The following PCDHGA5 variants were observed in gnomAD, a reference collection of about 807,000 sequenced individuals.
PCDHGA5 encodes the protein protocadherin gamma subfamily A, 5.
Under a neutral mutation model 56.7 loss-of-function variants are expected in PCDHGA5, and 36 were observed. The ratio of observed to expected loss-of-function variants is 0.64; its 90% confidence interval spans 0.49 to 0.84. PCDHGA5 has a LOEUF of 0.84. Ranked by LOEUF, PCDHGA5 falls within the 40% of genes least tolerant of loss-of-function variation. PCDHGA5 has a pLI of 0.00. For synonymous variants in PCDHGA5, 563 were observed against 520.2 expected (o/e 1.08, Z -1.12); for missense variants, 1,305 against 1,201.5 (o/e 1.09, Z -1.27).
intron 1 of PCDHGA5, chr5:141,415,605 G>T: frequency 1.2e-6 from 2 of 1,613,122 alleles, no homozygotes; most frequent in Non-Finnish European, 1.7e-6. Flanking sequence ...ATACCCCATT[G>T]GTTCCAGTGA....
At chr5:141,402,910 G>A in intron 1 of PCDHGA5, 2 of 1,549,722 alleles carry the variant, frequency 1.3e-6, no homozygotes, top group Non-Finnish European at 1.7e-6. Context: ...ATGAAGCAGC[G>A]CGCACAGAGA....
At chr5:141,394,455 C>T in intron 1 of PCDHGA5, 1 of 1,614,268 alleles carries the variant, frequency 6.2e-7, no homozygotes, top group Non-Finnish European at 8.5e-7. Flanking sequence ...CAACATGTCA[C>T]TGAGCCTGTT....
intron 1 of PCDHGA5, among the ~76,000 whole-genome samples, chr5:141,429,780 A>G (rs1301908729): frequency 1.3e-5 from 2 of 152,222 alleles, no homozygotes; most frequent in Non-Finnish European, 2.9e-5. Flanking sequence ...ATGGGCTTCC[A>G]AAAGTATTAC....
intron 1 of PCDHGA5, chr5:141,417,885 G>T (rs761442517): frequency 3.8e-6 from 6 of 1,562,926 alleles, no homozygotes; most frequent in South Asian, 1.2e-5. Context: ...GCGCAGAGGC[G>T]CCGGGCCGGC....
At chr5:141,394,968 T>C in intron 1 of PCDHGA5, 1 of 1,613,938 alleles carries the variant, frequency 6.2e-7, no homozygotes, top group Non-Finnish European at 8.5e-7. Context: ...GCTGAGGCGC[T>C]GGCACAAGTC....
rs752155536 is a variant in PCDHGA5, at chr5:141,477,181, C to T, written c.2422-17626C>T. The T allele has an allele frequency of 2.5e-6, 4 of 1,614,182 alleles. No individual in the cohort carries two copies. In the Admixed American group the frequency reaches 6.7e-5, roughly 27 times the overall value. ...ACAACGCCCCGGAGATCACAGTCACCTCCGTGTACAGCCCAGTACCCGAGG... is the reference window on the plus strand; with the variant it reads ...ACAACGCCCCGGAGATCACAGTCACTTCCGTGTACAGCCCAGTACCCGAGG... On this transcript the variant is annotated intron_variant, in intron 1 of 3. Transcript: ENST00000518069. This position sits in a 1 kb window ranked among gnomAD's most constrained non-coding sequence, Gnocchi z 4.9.
intron 1 of PCDHGA5, among the ~76,000 whole-genome samples, chr5:141,470,181 A>G (rs974401154): frequency 3.9e-5 from 6 of 152,236 alleles, no homozygotes; most frequent in African/African-American, 9.6e-5. Flanking sequence ...AAAATATTCA[A>G]GTAAACTTCA....
intron 1 of PCDHGA5, chr5:141,418,422 G>A: frequency 6.2e-7 from 1 of 1,613,996 alleles, no homozygotes; most frequent in East Asian, 2.2e-5. Context: ...AATCCTGATG[G>A]TGGCAAATAT....
intron 1 of PCDHGA5, chr5:141,422,466 G>T: frequency 1.2e-6 from 2 of 1,613,528 alleles, no homozygotes; most frequent in Non-Finnish European, 1.7e-6. Flanking sequence ...TGCTGGACAG[G>T]GAGTTGGTCC....
At chr5:141,408,929 A>G in intron 1 of PCDHGA5, 1 of 1,613,518 alleles carries the variant, frequency 6.2e-7, no homozygotes, top group Non-Finnish European at 8.5e-7. Context: ...CCCGGTTTTC[A>G]GCAGAGACGA....
intron 1 of PCDHGA5, among the ~76,000 whole-genome samples, chr5:141,462,678 T>G (rs923728894): frequency 1.3e-5 from 2 of 152,210 alleles, no homozygotes; most frequent in South Asian, 4.1e-4. Flanking sequence ...TTCTTTAAAT[T>G]TTTGAGCACA....
At chr5:141,467,455 GCTAGTA>G (rs2099144342) in intron 1 of PCDHGA5, among the ~76,000 whole-genome samples, 1 of 152,192 alleles carries the variant, frequency 6.6e-6, no homozygotes, top group African/African-American at 2.4e-5. Context: ...TTCTTCCAGT[GCTAGTA>G]CTTGCATGGT....
intron 2 of PCDHGA5, among the ~76,000 whole-genome samples, chr5:141,505,026 G>A (rs190826538): frequency 4.6e-5 from 7 of 152,316 alleles, no homozygotes; most frequent in African/African-American, 1.7e-4. Context: ...GCCTGGCACA[G>A]TGGCAGGTGC....
chr5:141,422,349 T>C (rs768693451), intron 1 of PCDHGA5: 95 of 1,554,604 alleles, frequency 6.1e-5, no homozygotes, highest in Non-Finnish European at 8.2e-5. Flanking sequence ...ATGTGCAAGA[T>C]CAAGATTCTG....
Position 141,432,026 on chromosome 5 carries a change from A to G in PCDHGA5, c.2422-62781A>G, listed in dbSNP as rs1591124077. On this transcript the variant is annotated intron_variant, in intron 1 of 3. Coordinates refer to ENST00000518069, the MANE Select transcript of PCDHGA5 (RefSeq NM_018918.3). The surrounding 1 kb of genome is among the most constrained non-coding windows in gnomAD (Gnocchi z 6.0). ...GGTTCCTAGCTACAACATCACAGTG[A>G]CCGCCACTGACCGGGGAACCCCGCC... The G allele has an allele frequency of 1.9e-6, 3 of 1,614,152 alleles. 1 individual carries two copies. Among genetic ancestry groups the G allele is most frequent in the Middle Eastern group, 3.3e-4 (2 of 6,062 alleles).
At chr5:141,387,594 C>T in intron 1 of PCDHGA5, 1 of 528,418 alleles carries the variant, frequency 1.9e-6, no homozygotes, top group East Asian at 3.1e-5. Context: ...TAACTTGAAG[C>T]AGCAGAGGCT....
Position 141,374,782 on chromosome 5 carries a change from A to G in PCDHGA5, c.2421+8031A>G, listed in dbSNP as rs781674966. The G allele has an allele frequency of 1.9e-6, 3 of 1,613,904 alleles. No individual in the cohort carries two copies. The East Asian group carries it at 6.7e-5, about 36-fold the overall frequency. ...TCGCCCAAATTCTGGTAACAGTTCT[A>G]GATGTGAATGACAACACTCCAATGT... On this transcript the variant is annotated intron_variant, in intron 1 of 3. Coordinates refer to ENST00000518069, the MANE Select transcript of PCDHGA5 (RefSeq NM_018918.3).
At chr5:141,463,165 C>G (rs1042153238) in intron 1 of PCDHGA5, among the ~76,000 whole-genome samples, 1 of 152,148 alleles carries the variant, frequency 6.6e-6, no homozygotes, top group Non-Finnish European at 1.5e-5. Context: ...TCAGTGCACT[C>G]TATGTATGCT....
In PCDHGA5 at chr5:141,366,661, C is replaced by T. The variant is rs976652914; in HGVS notation, c.2331C>T (p.Asp777=). 1 of 1,614,150 alleles carries T rather than the reference C, an allele frequency of 6.2e-7. No homozygotes were observed. Among genetic ancestry groups the T allele is most frequent in the Admixed American group, 1.7e-5 (1 of 60,016 alleles). ...HLIFPQPNYA[D]TLLSEESCEK... is the part of the protein sequence containing the mutation. ...TCTTTCCCCAGCCCAACTACGCAGA[C>T]ACGCTCCTTAGTGAAGAGAGCTGTG... The change falls in exon 1 of 4, where the codon GAC becomes GAT. Residue 777 remains aspartate, a synonymous_variant. Transcript: ENST00000518069.
Sources: gnomAD v4.1 joint callset for allele counts (sites outside exome capture counted in the v4.1 genomes callset) on GRCh38, gnomAD v4.1.1 for gene constraint, Gnocchi (gnomAD v3.1) non-coding constraint, MANE v1.5 for transcripts, NCBI Gene and HGNC (gene_info 2026-07-23, HGNC 2026-07-21) for gene names.